The following SORCS1 variants were observed in gnomAD, a reference collection of about 807,000 sequenced individuals.
SORCS1 encodes the protein sortilin related VPS10 domain containing receptor 1, also known as VPS10 domain-containing receptor SorCS1.
A neutral mutation model predicts 146.1 loss-of-function variants in SORCS1; 60 were observed. The ratio of observed to expected loss-of-function variants is 0.41; its 90% CI spans 0.33 to 0.51. The LOEUF (loss-of-function observed/expected upper bound fraction) is 0.51, where lower values mean the gene tolerates loss of function less well. Ranked by LOEUF, SORCS1 falls within the 20% of genes least tolerant of loss-of-function variation. The pLI is 0.21. For synonymous variants in SORCS1, 637 were observed against 584.0 expected, an observed-to-expected ratio of 1.09 and a Z score of -1.31; for missense variants, 1,352 against 1,487.6, an observed-to-expected ratio of 0.91 and a Z score of 1.50.
chr10:106,588,536 G>A (rs377139159), intron 24 of SORCS1, among the ~76,000 whole-genome samples: 4 of 152,116 alleles, frequency 2.6e-5, no homozygotes, highest in African/African-American at 7.2e-5. Context: ...GGCCACCGTC[G>A]TAAGCATCAT....
intron 18 of SORCS1, among the ~76,000 whole-genome samples, chr10:106,647,451 G>C (rs988550536): frequency 8.5e-4 from 128 of 149,912 alleles, no homozygotes; most frequent in African/African-American, 3.0e-3. Flanking sequence ...ATATGTCCAG[G>C]TATCAAGACT....
intron 2 of SORCS1, among the ~76,000 whole-genome samples, chr10:106,836,154 T>G (rs961231813): frequency 6.6e-6 from 1 of 151,790 alleles, no homozygotes; most frequent in Non-Finnish European, 1.5e-5. Flanking sequence ...GACTAAAAAG[T>G]GTAACTAGCC....
intron 1 of SORCS1, among the ~76,000 whole-genome samples, chr10:107,077,374 A>G (rs1962978282): frequency 6.6e-6 from 1 of 151,986 alleles, no homozygotes; most frequent in Non-Finnish European, 1.5e-5. Context: ...ACATACTATA[A>G]ACTCTTGCTA....
intron 4 of SORCS1, among the ~76,000 whole-genome samples, chr10:106,765,459 C>T (rs1357305693): frequency 6.6e-6 from 1 of 151,864 alleles, no homozygotes; most frequent in Non-Finnish European, 1.5e-5. Context: ...GATAAAAATA[C>T]ACTTAATTCC....
At chr10:107,167,161 A>T (rs1400492673), upstream of SORCS1, among the ~76,000 whole-genome samples, 1 of 152,258 alleles carries the variant, frequency 6.6e-6, no homozygotes, top group Non-Finnish European at 1.5e-5. Flanking sequence ...TATTGTTCAT[A>T]TGTAGATAGA....
At chr10:106,957,624 A>C (rs374566335) in intron 1 of SORCS1, among the ~76,000 whole-genome samples, 20 of 152,232 alleles carry the variant, frequency 1.3e-4, no homozygotes, top group Admixed American at 5.9e-4. Context: ...AATCTATTTC[A>C]TGGGGTCCAG....
chr10:107,062,884 G>C (rs1261360143), intron 1 of SORCS1, among the ~76,000 whole-genome samples: 1 of 152,092 alleles, frequency 6.6e-6, no homozygotes, highest in African/African-American at 2.4e-5. Context: ...TTTTGTTTTT[G>C]TTTTTTCAAA....
chr10:107,100,381 G>A (rs1241367887), intron 1 of SORCS1, among the ~76,000 whole-genome samples: 4 of 152,086 alleles, frequency 2.6e-5, no homozygotes, highest in African/African-American at 9.7e-5. Context: ...GGGCGTGGTG[G>A]CGGGCGCCTG....
At chr10:106,662,278 A>G (rs888265959) in intron 17 of SORCS1, among the ~76,000 whole-genome samples, 1 of 152,244 alleles carries the variant, frequency 6.6e-6, no homozygotes, top group Non-Finnish European at 1.5e-5. Context: ...ATAAGCTGAC[A>G]GTGAAAGTAA....
intron 1 of SORCS1, among the ~76,000 whole-genome samples, chr10:107,148,316 C>T (rs1020790096): frequency 6.6e-6 from 1 of 152,200 alleles, no homozygotes; most frequent in Admixed American, 6.5e-5. Flanking sequence ...GTGAGCTATA[C>T]GGTCTCTGTC....
intron 2 of SORCS1, among the ~76,000 whole-genome samples, chr10:106,916,905 A>C (rs1952470073): frequency 6.6e-6 from 1 of 151,864 alleles, no homozygotes; most frequent in Non-Finnish European, 1.5e-5. Flanking sequence ...ATGTGCCACC[A>C]TGAATTTTTG....
At chr10:107,030,097 A>G (rs1055185042) in intron 1 of SORCS1, among the ~76,000 whole-genome samples, 4 of 152,202 alleles carry the variant, frequency 2.6e-5, no homozygotes, top group African/African-American at 4.8e-5. Context: ...TTGAAAAAAA[A>G]TTAAAGACAT....
intron 24 of SORCS1, among the ~76,000 whole-genome samples, chr10:106,595,889 A>C (rs1845876404): frequency 6.6e-6 from 1 of 152,230 alleles, no homozygotes; most frequent in Non-Finnish European, 1.5e-5. Flanking sequence ...TTTTGACAGG[A>C]TATAACTCAT....
chr10:106,999,431 C>A (rs1176153998), intron 1 of SORCS1, among the ~76,000 whole-genome samples: 1 of 152,194 alleles, frequency 6.6e-6, no homozygotes, highest in Admixed American at 6.5e-5. Flanking sequence ...ATCAGAGCCA[C>A]ATCAAAAAGT....
intron 1 of SORCS1, among the ~76,000 whole-genome samples, chr10:107,135,409 T>C (rs1967204912): frequency 6.6e-6 from 1 of 152,212 alleles, no homozygotes; most frequent in Non-Finnish European, 1.5e-5. Flanking sequence ...GAGGCAAAAG[T>C]ATCATACACA....
At chr10:107,180,116 A>G in the SORCS1 span, among the ~76,000 whole-genome samples, 2 of 151,552 alleles carry the variant, frequency 1.3e-5, no homozygotes, top group Admixed American at 6.6e-5. Flanking sequence ...AGGTCTCACT[A>G]TGTTGCTCAG....
chr10:106,808,011 ACT>A, intron 3 of SORCS1, among the ~76,000 whole-genome samples: 1 of 151,962 alleles, frequency 6.6e-6, no homozygotes, highest in East Asian at 1.9e-4. Flanking sequence ...GGTATTAGTG[ACT>A]CTATTTTTAT....
chr10:107,139,351 A>C (rs1360923844), intron 1 of SORCS1, among the ~76,000 whole-genome samples: 1 of 152,234 alleles, frequency 6.6e-6, no homozygotes, highest in African/African-American at 2.4e-5. Context: ...GAAGAAAAAA[A>C]AAGTCAAGAC....
chr10:106,587,434 T>C (rs1054709963), intron 24 of SORCS1, among the ~76,000 whole-genome samples: 3 of 152,268 alleles, frequency 2.0e-5, no homozygotes, highest in Admixed American at 6.5e-5. Context: ...TGAGATTATA[T>C]TGTAGTTTCT....
Sources: gnomAD v4.1 joint callset for allele counts (sites outside exome capture counted in the v4.1 genomes callset) on GRCh38, gnomAD v4.1.1 for gene constraint, MANE v1.5 for transcripts, NCBI Gene and HGNC (gene_info 2026-07-23, HGNC 2026-07-21) for gene names.